GPHN: variants seen among roughly 807,000 people sequenced by gnomAD.
The protein encoded by GPHN is gephyrin.
Under a neutral mutation model 95.5 loss-of-function variants are expected in GPHN, and 17 were observed. The ratio of observed to expected loss-of-function variants is 0.18; its 90% CI spans 0.12 to 0.27. The LOEUF (loss-of-function observed/expected upper bound fraction) is 0.27, where lower values mean the gene tolerates loss of function less well. GPHN is among the 10% of genes least tolerant of loss of function. The pLI, the probability that GPHN is intolerant of heterozygous loss-of-function variation, is 1.00. For missense variants in GPHN, 660 were observed against 978.1 expected, an observed-to-expected ratio of 0.67 and a Z score of 4.34; for synonymous variants, 320 against 322.5, an observed-to-expected ratio of 0.99 and a Z score of 0.08.
At chr14:66,837,492 C>G (rs1218247069) in intron 4 of GPHN, among the ~76,000 whole-genome samples, 1 of 148,130 alleles carries the variant, frequency 6.8e-6, no homozygotes, top group Non-Finnish European at 1.5e-5. Context: ...ATACCTAATG[C>G]TAGATGACGA....
At chr14:66,616,801 A>G (rs548707479) in intron 1 of GPHN, among the ~76,000 whole-genome samples, 90 of 152,146 alleles carry the variant, frequency 5.9e-4, no homozygotes, top group South Asian at 1.5e-3. Flanking sequence ...TCTGCCTCCC[A>G]GGTTCAAGCA....
At chr14:67,474,080 CG>C in the GPHN span, 55 of 948,394 alleles carry the variant, frequency 5.8e-5, no homozygotes, top group Non-Finnish European at 7.6e-5. Flanking sequence ...GGTGAAACCC[CG>C]TCTCTACTAA....
the GPHN span, among the ~76,000 whole-genome samples, chr14:67,477,954 C>T: frequency 6.6e-6 from 1 of 152,124 alleles, no homozygotes; most frequent in Non-Finnish European, 1.5e-5. Context: ...CCTTGCCTGC[C>T]TGGTTCAGCA....
At chr14:67,050,541 A>G (rs555001153) in intron 10 of GPHN, among the ~76,000 whole-genome samples, 3 of 152,204 alleles carry the variant, frequency 2.0e-5, no homozygotes, top group Non-Finnish European at 4.4e-5. Flanking sequence ...TTAAATATCT[A>G]TAGCATAAGA....
rs1225508699 is a variant in GPHN, at chr14:67,061,748, G to A, written c.1144+2962G>A. On this transcript the variant is annotated intron_variant, in intron 11 of 22. Transcript: ENST00000478722. ...GCTGGCCCTCAACTCTCAGCCTCAAGCGATCCTCTCGCCTTAGCCTCCCAA... is the reference window on the plus strand; with the variant it reads ...GCTGGCCCTCAACTCTCAGCCTCAAACGATCCTCTCGCCTTAGCCTCCCAA... 5.3e-5 allele frequency among the ~76,000 whole-genome samples: 8 copies of A among 151,948 alleles called. 1 individual carries two copies. The highest frequency in any genetic ancestry group is 1.2e-4 in the Non-Finnish European group (8 of 67,998).
chr14:67,678,897 CAT>C, the GPHN span, among the ~76,000 whole-genome samples: 1 of 151,544 alleles, frequency 6.6e-6, no homozygotes, highest in South Asian at 2.1e-4. Context: ...TTAGTAAACT[CAT>C]ATGAGAAGTA....
chr14:67,118,731 C>CAA (rs1304105819), intron 16 of GPHN, among the ~76,000 whole-genome samples: 5 of 130,816 alleles, frequency 3.8e-5, no homozygotes, highest in Admixed American at 1.6e-4. Flanking sequence ...GACTCCGTCT[C>CAA]AAAAAAAAAA....
intron 1 of GPHN, among the ~76,000 whole-genome samples, chr14:66,604,309 CTAAT>C (rs940651305): frequency 6.6e-6 from 1 of 151,842 alleles, no homozygotes; most frequent in African/African-American, 2.4e-5. Context: ...TTCTTCTACT[CTAAT>C]TGAAGATTAT....
chr14:67,576,576 GA>G, the GPHN span: 3 of 788,148 alleles, frequency 3.8e-6, no homozygotes, highest in African/African-American at 5.1e-5. This position sits in a 1 kb window ranked among gnomAD's most constrained non-coding sequence, Gnocchi z 4.0. Flanking sequence ...AGATCCCAAA[GA>G]AAGCAGTGTT....
intron 1 of GPHN, among the ~76,000 whole-genome samples, chr14:66,575,984 T>C (rs900861714): frequency 6.6e-6 from 1 of 151,980 alleles, no homozygotes; most frequent in African/African-American, 2.4e-5. Flanking sequence ...GAAGCATGGG[T>C]CCACAGGCGT....
At chr14:66,785,091 G>C (rs1008326431) in intron 3 of GPHN, among the ~76,000 whole-genome samples, 1 of 152,218 alleles carries the variant, frequency 6.6e-6, no homozygotes, top group African/African-American at 2.4e-5. Flanking sequence ...GAGTGGGCTG[G>C]GCACAGTGGC....
chr14:67,560,840 C>T, the GPHN span, among the ~76,000 whole-genome samples: 1 of 150,718 alleles, frequency 6.6e-6, no homozygotes, highest in Non-Finnish European at 1.5e-5. Flanking sequence ...AAGCAATTCT[C>T]CTGCCTCAGC....
chr14:66,576,934 C>T (rs1418125067), intron 1 of GPHN, among the ~76,000 whole-genome samples: 1 of 152,126 alleles, frequency 6.6e-6, no homozygotes, highest in East Asian at 1.9e-4. Flanking sequence ...ATTTAAGGGT[C>T]ATGAATTGCC....
At chr14:66,976,003 G>A (rs567756900) in intron 9 of GPHN, among the ~76,000 whole-genome samples, 2 of 152,194 alleles carry the variant, frequency 1.3e-5, no homozygotes, top group South Asian at 4.1e-4. Context: ...AATAGTTCCA[G>A]TATCAACTAA....
chr14:66,635,618 A>G (rs2064055248), intron 1 of GPHN, among the ~76,000 whole-genome samples: 1 of 152,162 alleles, frequency 6.6e-6, no homozygotes, highest in African/African-American at 2.4e-5. Flanking sequence ...TCAGTAAGGA[A>G]ATGTTTTAAG....
chr14:66,585,065 A>C (rs1316773175), intron 1 of GPHN, among the ~76,000 whole-genome samples: 1 of 152,096 alleles, frequency 6.6e-6, no homozygotes, highest in African/African-American at 2.4e-5. Flanking sequence ...TCAGTTTCAG[A>C]GCCTGTTATT....
intron 12 of GPHN, among the ~76,000 whole-genome samples, chr14:67,091,181 T>C (rs776913289): frequency 6.6e-6 from 1 of 152,012 alleles, no homozygotes; most frequent in African/African-American, 2.4e-5. Context: ...GAAGATTATC[T>C]TGGATTCACT....
At chr14:66,541,373 G>A (rs1367594289) in intron 1 of GPHN, among the ~76,000 whole-genome samples, 2 of 152,154 alleles carry the variant, frequency 1.3e-5, no homozygotes, top group African/African-American at 4.8e-5. Context: ...GTGTTTTTAA[G>A]GGAGAAGGTA....
At chr14:66,588,175 C>G (rs1881547676) in intron 1 of GPHN, among the ~76,000 whole-genome samples, 1 of 152,044 alleles carries the variant, frequency 6.6e-6, no homozygotes, top group Non-Finnish European at 1.5e-5. Flanking sequence ...AACTAATGAA[C>G]AGAAAGGAAT....
Sources: gnomAD v4.1 joint callset for allele counts (sites outside exome capture counted in the v4.1 genomes callset) on GRCh38, gnomAD v4.1.1 for gene constraint, Gnocchi (gnomAD v3.1) non-coding constraint, MANE v1.5 for transcripts, NCBI Gene and HGNC (gene_info 2026-07-23, HGNC 2026-07-21) for gene names.